The following LAMA4 variants were observed in gnomAD, a reference collection of about 807,000 sequenced individuals.
LAMA4 encodes laminin subunit alpha-4.
Under a neutral mutation model 207.1 loss-of-function variants are expected in LAMA4, and 127 were observed. That is an observed-to-expected ratio of 0.61 (90% CI 0.53 to 0.71). LAMA4 has a LOEUF of 0.71. LAMA4 is among the 30% of genes least tolerant of loss of function. The pLI is 0.00. For synonymous variants in LAMA4, 761 were observed against 816.0 expected (o/e 0.93, Z 1.15); for missense variants, 2,093 against 2,246.5 (o/e 0.93, Z 1.38).
At chr6:112,241,152 T>TATATGTATTC (rs1786437496) in intron 2 of LAMA4, among the ~76,000 whole-genome samples, 1 of 98,486 alleles carries the variant, frequency 1.0e-5, no homozygotes, top group Non-Finnish European at 2.0e-5. Flanking sequence ...TATATATGAA[T>TATATGTATTC]ATATATATGA....
intron 4 of LAMA4, among the ~76,000 whole-genome samples, chr6:112,202,962 G>A (rs1554353107): frequency 6.6e-6 from 1 of 152,128 alleles, no homozygotes; most frequent in African/African-American, 2.4e-5. Flanking sequence ...CTTAACTGGA[G>A]CGATTTCCAT....
chr6:112,114,613 T>C lies in LAMA4; in HGVS notation c.5206+50A>G, dbSNP rs782154501. On this transcript the variant is annotated intron_variant, in intron 37 of 38. Transcript: ENST00000230538. ...TGATAGCCTAAGTTCTGCCAGATCA[T>C]AATCTTACAGTTGGGTGTGCAGGCT... is the stretch of plus-strand genomic sequence containing the variant. The C allele has an allele frequency of 1.0e-5, 12 of 1,194,740 alleles. No homozygotes were observed. The Admixed American group carries it at 2.0e-4, about 20-fold the overall frequency. The allele number at this position is 1,194,740 out of a possible 1,614,324, so 74.0% of individuals were successfully genotyped here.
intron 14 of LAMA4, among the ~76,000 whole-genome samples, chr6:112,157,338 A>G (rs1554337247): frequency 6.6e-6 from 1 of 152,246 alleles, no homozygotes; most frequent in Non-Finnish European, 1.5e-5. Flanking sequence ...GCACAGAACA[A>G]GTACTAACTC....
intron 11 of LAMA4, among the ~76,000 whole-genome samples, chr6:112,174,782 C>T (rs537733013): frequency 1.2e-4 from 19 of 152,354 alleles, no homozygotes; most frequent in Admixed American, 5.2e-4. Context: ...TGAGCCACCA[C>T]GCCCGGCCTG....
rs1363734598 is a variant in LAMA4, at chr6:112,150,590, C to T, written c.2094G>A (p.Val698=). The T allele has an allele frequency of 1.2e-6, 2 of 1,613,938 alleles. No homozygotes were observed. The highest frequency in any genetic ancestry group is 1.7e-6 in the Non-Finnish European group (2 of 1,179,950). The change falls in exon 17 of 39, where the codon GTG becomes GTA. Residue 698 remains valine (V), a synonymous_variant. Transcript: ENST00000230538. ...CACTTTTCCTTGCTAGGGCTCCACC[C>T]ACACGCCTGCTAGTGTCAGCCACTG... ...DEAVADTSRR[V]GGALARKSAL...
At chr6:112,155,277 C>T in intron 15 of LAMA4, 2 of 560,654 alleles carry the variant, frequency 3.6e-6, no homozygotes, top group Non-Finnish European at 6.3e-6. Flanking sequence ...AGTATCTTCT[C>T]TATCAGCAAG....
intron 2 of LAMA4, among the ~76,000 whole-genome samples, chr6:112,248,802 T>C (rs1265182806): frequency 6.6e-6 from 1 of 151,798 alleles, no homozygotes; most frequent in Non-Finnish European, 1.5e-5. Flanking sequence ...GGAGACTCTA[T>C]AGTTGAAAAA....
intron 4 of LAMA4, among the ~76,000 whole-genome samples, chr6:112,205,018 ATCTG>A (rs777515518): frequency 7.9e-5 from 12 of 152,300 alleles, no homozygotes; most frequent in Non-Finnish European, 1.5e-4. Flanking sequence ...TCTGATTGCC[ATCTG>A]TCTTTTTCTT....
intron 2 of LAMA4, chr6:112,218,821 C>G (rs1436876621): frequency 6.6e-6 from 1 of 152,272 alleles, no homozygotes; most frequent in Non-Finnish European, 1.5e-5. Context: ...ATTTGGCCCC[C>G]CGCCGAGAGG....
intron 2 of LAMA4, among the ~76,000 whole-genome samples, chr6:112,229,855 G>A (rs374851943): frequency 6.6e-6 from 1 of 152,084 alleles, no homozygotes; most frequent in African/African-American, 2.4e-5. Flanking sequence ...AATAGATAAG[G>A]GTTTGTATTC....
intron 2 of LAMA4, among the ~76,000 whole-genome samples, chr6:112,243,235 G>A (rs1410606977): frequency 1.3e-5 from 2 of 152,048 alleles, no homozygotes; most frequent in African/African-American, 4.8e-5. Flanking sequence ...CTGTGCTGCA[G>A]ATCAGCCCCA....
At chr6:112,206,290 A>C (rs544862818) in intron 4 of LAMA4, among the ~76,000 whole-genome samples, 5 of 152,302 alleles carry the variant, frequency 3.3e-5, no homozygotes, top group Admixed American at 6.5e-5. Flanking sequence ...ATCTGCACTG[A>C]CTGTGGAAAC....
At position 112,234,598 on chromosome 6, in the gene LAMA4, G is replaced by A. The variant is rs797041448; in HGVS notation, c.196-18129C>T. The A allele has an allele frequency of 3.8e-4, 57 of 151,686 alleles. 1 individual carries two copies. The highest frequency in any genetic ancestry group is 1.4e-3 in the African/African-American group (56 of 41,376). 9.4% of individuals were successfully genotyped at this position (151,686 alleles called of 1,614,324 possible). A position where few individuals can be genotyped will look rare whatever the true frequency, so the allele number is the denominator to read the frequency against. ...AGCAGATTAAAAAAAAAAAGAGATTGTAATCAAAAGAAAACCAACGTAGTT... is the reference window on the plus strand; with the variant it reads ...AGCAGATTAAAAAAAAAAAGAGATTATAATCAAAAGAAAACCAACGTAGTT... On this transcript the variant is annotated intron_variant, in intron 2 of 38. Coordinates refer to ENST00000230538, the MANE Select transcript of LAMA4 (RefSeq NM_001105206.3).
Position 112,175,352 on chromosome 6 carries a change from G to T in LAMA4, c.1318C>A (p.Arg440=), listed in dbSNP as rs140911762. ...TCTGCCTCCTCATCCACGAGCTCCC[G>T]TTGGGTGAAAAATGGTTGACGGCTT... The part of the protein sequence containing the change: ...IRSRQPFFTQ[R]ELVDEEADEA... The change falls in exon 11 of 39, where the codon CGG becomes AGG. Residue 440 remains arginine, a synonymous_variant. Transcript: ENST00000230538. 1 of 1,614,148 alleles carries T rather than the reference G, an allele frequency of 6.2e-7. No homozygotes were observed. The highest frequency in any genetic ancestry group is 1.1e-5 in the South Asian group (1 of 91,086).
At chr6:112,202,443 GGTGTGT>G (rs3831518) in intron 4 of LAMA4, among the ~76,000 whole-genome samples, 1 of 150,028 alleles carries the variant, frequency 6.7e-6, no homozygotes, top group African/African-American at 2.4e-5. Flanking sequence ...GGGGCATAGG[GGTGTGT>G]GTGTGTGTGT....
intron 31 of LAMA4, among the ~76,000 whole-genome samples, chr6:112,123,816 C>T (rs1271764789): frequency 1.3e-5 from 2 of 152,186 alleles, no homozygotes; most frequent in Non-Finnish European, 2.9e-5. Context: ...ATTCCCTCTT[C>T]CCTTCTTTAT....
In LAMA4 at chr6:112,185,360, G is replaced by A. The variant is rs782148493; in HGVS notation, c.967-13C>T. 6.0e-6 allele frequency: 9 copies of A among 1,501,692 alleles called. No individual in the cohort carries two copies. In the African/African-American group the frequency reaches 1.2e-4, roughly 21 times the overall value. The allele number at this position is 1,501,692 out of a possible 1,614,324, so 93.0% of individuals were successfully genotyped here. A position where few individuals can be genotyped will look rare whatever the true frequency, so the allele number is the denominator to read the frequency against. Reference sequence around the variant, plus strand: ...CTGACAATTTTGTCTGCAGAAGAATGTGTTTTGAGAATAGTCAATGGGCAC... The same window carrying A: ...CTGACAATTTTGTCTGCAGAAGAATATGTTTTGAGAATAGTCAATGGGCAC... On this transcript the variant is annotated splice_polypyrimidine_tract_variant and intron_variant, in intron 8 of 38. Coordinates refer to ENST00000230538, the MANE Select transcript of LAMA4 (RefSeq NM_001105206.3).
rs185100043 is a variant in LAMA4, at chr6:112,194,882, T to G, written c.504-3032A>C. Among the ~76,000 whole-genome samples the G allele has an allele frequency of 2.1e-4, 32 of 152,306 alleles. 1 individual carries two copies. The highest frequency in any genetic ancestry group is 1.7e-3 in the East Asian group (9 of 5,186). On this transcript the variant is annotated intron_variant, in intron 5 of 38. Coordinates refer to ENST00000230538, the MANE Select transcript of LAMA4 (RefSeq NM_001105206.3). ...ATCTCATTTCTAGTCTATTAATGAC[T>G]TGATCCATCCAAGGAAAACAGAACT... is the stretch of plus-strand genomic sequence containing the variant.
In LAMA4 at chr6:112,113,950, A is replaced by G. The variant is rs1017693467; in HGVS notation, c.5326+126T>C. On this transcript the variant is annotated intron_variant, in intron 38 of 38. Transcript: ENST00000230538. ...TTATTATGCCTTTTCCATTTAAACAACACTGTATATAAAATCCTTTGAGTA... is the reference window on the plus strand; with the variant it reads ...TTATTATGCCTTTTCCATTTAAACAGCACTGTATATAAAATCCTTTGAGTA... 33 of 1,092,738 alleles carry G rather than the reference A, an allele frequency of 3.0e-5. No individual in the cohort carries two copies. In the African/African-American group the frequency reaches 4.2e-4, roughly 14 times the overall value. 67.7% of individuals were successfully genotyped at this position (1,092,738 alleles called of 1,614,324 possible).
Sources: gnomAD v4.1 joint callset for allele counts (sites outside exome capture counted in the v4.1 genomes callset) on GRCh38, gnomAD v4.1.1 for gene constraint, MANE v1.5 for transcripts, NCBI Gene and HGNC (gene_info 2026-07-23, HGNC 2026-07-21) for gene names.